PDSS2: variants seen among roughly 807,000 people sequenced by gnomAD.
PDSS2 encodes the protein all trans-polyprenyl-diphosphate synthase PDSS2.
A neutral mutation model predicts 44.5 loss-of-function variants in PDSS2; 31 were observed. The observed-to-expected ratio is 0.70, with a 90% CI of 0.52 to 0.94. The LOEUF (loss-of-function observed/expected upper bound fraction) is 0.94, where lower values mean the gene tolerates loss of function less well. PDSS2 is among the 40% of genes least tolerant of loss of function. The probability of loss-of-function intolerance (pLI) is 0.00; values close to 1 mark genes in which losing one functional copy is unlikely to be tolerated. For missense variants in PDSS2, 452 were observed against 482.2 expected (o/e 0.94, Z 0.59); for synonymous variants, 157 against 180.3 (o/e 0.87, Z 1.03).
chr6:107,353,667 A>G (rs1334633152), intron 1 of PDSS2, among the ~76,000 whole-genome samples: 3 of 152,100 alleles, frequency 2.0e-5, no homozygotes, highest in Non-Finnish European at 4.4e-5. Flanking sequence ...GCACCCCTCA[A>G]TATGATAGCA....
intron 7 of PDSS2, among the ~76,000 whole-genome samples, chr6:107,171,245 T>C (rs1771564351): frequency 6.6e-6 from 1 of 152,160 alleles, no homozygotes; most frequent in Admixed American, 6.5e-5. Flanking sequence ...CACTGTAGCC[T>C]CAACCTCTTG....
Position 107,329,587 on chromosome 6 carries a change from C to T in PDSS2, c.431+4611G>A, listed in dbSNP as rs146900734. Among the ~76,000 whole-genome samples the T allele has an allele frequency of 2.3e-3, 345 of 152,184 alleles. 2 individuals are homozygous for T. Among genetic ancestry groups the T allele is most frequent in the African/African-American group, 8.0e-3 (330 of 41,502 alleles). On this transcript the variant is annotated intron_variant, in intron 2 of 7. Coordinates refer to ENST00000369037, the MANE Select transcript of PDSS2 (RefSeq NM_020381.4). ...TTGAGTTAGGGCCTATTCTAATGAC[C>T]TCATTTTGACTTGATTAGCTCTGTA...
chr6:107,288,067 T>C (rs1776214145), intron 2 of PDSS2, among the ~76,000 whole-genome samples: 1 of 151,434 alleles, frequency 6.6e-6, no homozygotes, highest in African/African-American at 2.4e-5. Context: ...CAGGCTGGTC[T>C]CCAACTCCTG....
At chr6:107,252,765 A>G (rs954280804) in intron 3 of PDSS2, among the ~76,000 whole-genome samples, 4 of 152,208 alleles carry the variant, frequency 2.6e-5, no homozygotes, top group African/African-American at 4.8e-5. Flanking sequence ...ACCCATCTCA[A>G]CAAAAAATGA....
At chr6:107,261,187 C>T (rs970393479) in intron 3 of PDSS2, among the ~76,000 whole-genome samples, 1 of 152,214 alleles carries the variant, frequency 6.6e-6, no homozygotes, top group African/African-American at 2.4e-5. Context: ...TTTCTTCACT[C>T]CAGCAGGCTT....
At chr6:107,391,963 A>G (rs1779798678) in intron 1 of PDSS2, among the ~76,000 whole-genome samples, 1 of 152,070 alleles carries the variant, frequency 6.6e-6, no homozygotes, top group Non-Finnish European at 1.5e-5. Context: ...AACAATCTAG[A>G]CATCTCTCTT....
At chr6:107,211,974 T>C in intron 5 of PDSS2, 135 bp downstream of exon 5, 1 of 758,520 alleles carries the variant, frequency 1.3e-6, no homozygotes, top group South Asian at 1.5e-5. Flanking sequence ...ATAACAATCA[T>C]CCAGGACTGA....
chr6:107,440,698 G>T (rs1222683290), intron 1 of PDSS2, among the ~76,000 whole-genome samples: 1 of 152,210 alleles, frequency 6.6e-6, no homozygotes, highest in Non-Finnish European at 1.5e-5. Context: ...GGCTCATCAT[G>T]CCAGAAAAAG....
chr6:107,163,044 T>C (rs1191220523), intron 7 of PDSS2, among the ~76,000 whole-genome samples: 4 of 152,234 alleles, frequency 2.6e-5, no homozygotes, highest in African/African-American at 9.6e-5. Flanking sequence ...TTGTTTGTTA[T>C]GACACTTTAA....
At chr6:107,321,914 T>C (rs537664409) in intron 2 of PDSS2, among the ~76,000 whole-genome samples, 324 of 152,336 alleles carry the variant, frequency 2.1e-3, no homozygotes, top group African/African-American at 7.5e-3. Flanking sequence ...TGCTCTTTCA[T>C]TGCATTACCA....
chr6:107,284,235 T>A (rs1243065739), intron 2 of PDSS2, among the ~76,000 whole-genome samples: 4 of 152,032 alleles, frequency 2.6e-5, no homozygotes, highest in Non-Finnish European at 5.9e-5. Flanking sequence ...CACTTAGAAA[T>A]AATAAATATT....
intron 1 of PDSS2, among the ~76,000 whole-genome samples, chr6:107,346,924 G>A (rs1185977599): frequency 6.6e-6 from 1 of 152,148 alleles, no homozygotes; most frequent in African/African-American, 2.4e-5. Context: ...CTGCTTTATA[G>A]GCATGTTCAA....
chr6:107,339,443 C>A (rs146806134), intron 1 of PDSS2, among the ~76,000 whole-genome samples: 1 of 152,114 alleles, frequency 6.6e-6, no homozygotes, highest in Non-Finnish European at 1.5e-5. Context: ...AGACTGGACG[C>A]CTTCTATACA....
At chr6:107,359,312 A>T (rs1482345680) in intron 1 of PDSS2, among the ~76,000 whole-genome samples, 1 of 151,660 alleles carries the variant, frequency 6.6e-6, no homozygotes, top group Admixed American at 6.6e-5. Context: ...GCACCCAGCC[A>T]GTATTCTCTT....
At chr6:107,305,407 C>T (rs144741175) in intron 2 of PDSS2, among the ~76,000 whole-genome samples, 81 of 152,222 alleles carry the variant, frequency 5.3e-4, no homozygotes, top group African/African-American at 1.6e-3. Flanking sequence ...AAGTCATTTA[C>T]GCTTTAGGGT....
intron 2 of PDSS2, among the ~76,000 whole-genome samples, chr6:107,326,104 C>CTT (rs1177945820): frequency 2.3e-4 from 32 of 136,206 alleles, no homozygotes; most frequent in Non-Finnish European, 2.7e-4. Context: ...TTTCTTTTTT[C>CTT]TTTTTTTTTT....
chr6:107,413,271 G>A (rs1217930013), intron 1 of PDSS2, among the ~76,000 whole-genome samples: 1 of 152,198 alleles, frequency 6.6e-6, no homozygotes, highest in Non-Finnish European at 1.5e-5. Context: ...GCCAGGTGTG[G>A]TGGCTCACAC....
At chr6:107,369,168 C>T (rs1020275417) in intron 1 of PDSS2, among the ~76,000 whole-genome samples, 1 of 152,198 alleles carries the variant, frequency 6.6e-6, no homozygotes, top group African/African-American at 2.4e-5. Flanking sequence ...GCCTGTAATC[C>T]TAGCACTTTG....
intron 1 of PDSS2, among the ~76,000 whole-genome samples, chr6:107,413,794 C>A (rs932511978): frequency 2.0e-5 from 3 of 152,056 alleles, no homozygotes; most frequent in African/African-American, 7.2e-5. Context: ...TTTTTTTATG[C>A]ATTCACGTCT....
Sources: allele counts gnomAD v4.1 joint callset (sites outside exome capture counted in the v4.1 genomes callset), GRCh38; gene constraint gnomAD v4.1.1; transcripts MANE v1.5; gene names NCBI Gene and HGNC (gene_info 2026-07-23, HGNC 2026-07-21).